The following AADACL2 variants were observed in gnomAD, a reference collection of about 807,000 sequenced individuals.
The protein encoded by AADACL2 is arylacetamide deacetylase like 2.
In AADACL2, 23 loss-of-function variants were observed where a neutral mutation model predicts 22.3. The ratio of observed to expected loss-of-function variants is 1.03; its 90% CI spans 0.74 to 1.46. The LOEUF (loss-of-function observed/expected upper bound fraction) is 1.46. Among genes scored for constraint, AADACL2 ranks in the 40% most tolerant of loss-of-function variants. The pLI, the probability that AADACL2 is intolerant of heterozygous loss-of-function variation, is 0.00. For missense variants in AADACL2, 472 were observed against 482.9 expected (o/e 0.98, Z 0.21); for synonymous variants, 177 against 166.2 (o/e 1.07, Z -0.50).
chr3:151,739,117 T>A (rs1448910088), intron 1 of AADACL2, among the ~76,000 whole-genome samples: 1 of 152,236 alleles, frequency 6.6e-6, no homozygotes, highest in Non-Finnish European at 1.5e-5. Context: ...TGGTTTTTCC[T>A]CATTTTCATG....
In AADACL2 at chr3:151,757,203, TG is replaced by T. The variant is rs763247653; in HGVS notation, c.817del (p.Glu273SerfsTer60). 5 of 1,613,598 alleles carry T rather than the reference TG, an allele frequency of 3.1e-6. No individual in the cohort carries two copies. The highest frequency in any genetic ancestry group is 4.2e-6 in the Non-Finnish European group (5 of 1,179,702). On this transcript the variant is annotated frameshift_variant, in exon 5 of 5. Coordinates refer to ENST00000356517, the MANE Select transcript of AADACL2 (RefSeq NM_207365.4). LOFTEE classifies it low-confidence loss of function (END_TRUNC). ...ATGAGAAGAAACCAACACATGCCTC[TG>T]GAGTCAAGACATCTGTTTAAGTTTG... ...WAMRRNQHMP[L>X]ESRHLFKFVN...
chr3:151,761,173 T>TTA lies in AADACL2; in HGVS notation c.*3587_*3588dup. 1.2e-5 allele frequency: 1 copy of TTA among 85,552 alleles called. No homozygotes were observed. The highest frequency in any genetic ancestry group is 3.7e-4 in the East Asian group (1 of 2,694). The allele number at this position is 85,552 out of a possible 1,614,324, so 5.3% of individuals were successfully genotyped here. ...TATATATATATGGTGAGATATATAT[T>TTA]TATATATATGGTGAGATATATACAT... On this transcript the variant is annotated 3_prime_UTR_variant, in exon 5 of 5. Coordinates refer to ENST00000356517, the MANE Select transcript of AADACL2 (RefSeq NM_207365.4).
At chr3:151,752,153 C>A (rs1245934790) in intron 4 of AADACL2, among the ~76,000 whole-genome samples, 1 of 152,076 alleles carries the variant, frequency 6.6e-6, no homozygotes, top group Non-Finnish European at 1.5e-5. Context: ...TATTTTGGGT[C>A]ATAAGAATCA....
chr3:151,734,800 A>C (rs967386735), intron 1 of AADACL2, among the ~76,000 whole-genome samples: 3 of 152,154 alleles, frequency 2.0e-5, no homozygotes, highest in African/African-American at 4.8e-5. Context: ...GCTATCCTGC[A>C]ATTATTTTTA....
chr3:151,746,179 CCT>C (rs1170094984), intron 4 of AADACL2, among the ~76,000 whole-genome samples: 1 of 151,576 alleles, frequency 6.6e-6, no homozygotes, highest in Non-Finnish European at 1.5e-5. Flanking sequence ...CAAATTTTAC[CCT>C]GAGGTATTTT....
rs766664076 is a variant in AADACL2 at position 151,757,222 on chromosome 3, TAA to T, written c.835_836del (p.Lys279ValfsTer3). 6.2e-7 allele frequency: 1 copy of T among 1,613,700 alleles called. No individual in the cohort carries two copies. Among genetic ancestry groups the T allele is most frequent in the Admixed American group, 1.7e-5 (1 of 59,964 alleles). On this transcript the variant is annotated frameshift_variant, in exon 5 of 5. Coordinates refer to ENST00000356517, the MANE Select transcript of AADACL2 (RefSeq NM_207365.4). LOFTEE classifies it low-confidence loss of function (END_TRUNC). ...TGCCTCTGGAGTCAAGACATCTGTTTAAGTTTGTTAACTGGAGTATTCTTCTT... is the reference window on the plus strand; with the variant it reads ...TGCCTCTGGAGTCAAGACATCTGTTTGTTTGTTAACTGGAGTATTCTTCTT... ...HMPLESRHLF[K>X]FVNWSILLPE...
Position 151,734,056 on chromosome 3 carries a change from T to C in AADACL2, c.21T>C (p.Cys7=). 1 of 1,612,680 alleles carries C rather than the reference T, an allele frequency of 6.2e-7. No individual in the cohort carries two copies. Among genetic ancestry groups the C allele is most frequent in the Non-Finnish European group, 8.5e-7 (1 of 1,179,324 alleles). Residue 7 remains cysteine, a synonymous_variant, in exon 1 of 5, where the codon TGT becomes TGC. Coordinates refer to ENST00000356517, the MANE Select transcript of AADACL2 (RefSeq NM_207365.4). MGLKAL[C]LGLLCVLFVS... ...ATATTATGGGGCTAAAAGCTCTCTG[T>C]TTGGGGCTGCTTTGTGTTCTTTTTG...
At position 151,758,329 on chromosome 3, in the gene AADACL2, C is replaced by T. The variant is rs1714025859; in HGVS notation, c.*735C>T. On this transcript the variant is annotated 3_prime_UTR_variant, in exon 5 of 5. Coordinates refer to ENST00000356517, the MANE Select transcript of AADACL2 (RefSeq NM_207365.4). ...TTCTTCTCTGCCTGTGTCTAATCTC[C>T]CTATGGGCTTCTCTTAGAAAAACAC... 2.6e-5 allele frequency: 4 copies of T among 151,760 alleles called. No homozygotes were observed. Among genetic ancestry groups the T allele is most frequent in the Admixed American group, 2.6e-4 (4 of 15,228 alleles). 9.4% of individuals were successfully genotyped at this position (151,760 alleles called of 1,614,324 possible).
chr3:151,743,342 A>G (rs1005673081), intron 2 of AADACL2, among the ~76,000 whole-genome samples: 20 of 152,276 alleles, frequency 1.3e-4, no homozygotes, highest in African/African-American at 4.8e-4. Flanking sequence ...TGGTAAATAA[A>G]GCAGCAGCAG....
rs1415545478 is a variant in AADACL2 at position 151,757,600 on chromosome 3, T to C, written c.*6T>C. ...GGCTGGATAAGAATTTATAAATATGTGATGTGTATGTATAGCCCTTACATA... is the reference window on the plus strand; with the variant it reads ...GGCTGGATAAGAATTTATAAATATGCGATGTGTATGTATAGCCCTTACATA... On this transcript the variant is annotated 3_prime_UTR_variant, in exon 5 of 5. Transcript: ENST00000356517. 2 of 1,598,842 alleles carry C rather than the reference T, an allele frequency of 1.3e-6. No individual in the cohort carries two copies. Among genetic ancestry groups the C allele is most frequent in the Admixed American group, 3.4e-5 (2 of 58,860 alleles).
Position 151,759,075 on chromosome 3 carries a change from A to G in AADACL2, c.*1481A>G, listed in dbSNP as rs568866607. ...AGCTAAAAACGCAAACATGACTATG[A>G]CAAATGAAAATAAGTATCATGGGAA... On this transcript the variant is annotated 3_prime_UTR_variant, in exon 5 of 5. Coordinates refer to ENST00000356517, the MANE Select transcript of AADACL2 (RefSeq NM_207365.4). 2 of 152,252 alleles carry G rather than the reference A, an allele frequency of 1.3e-5. No individual in the cohort carries two copies. The highest frequency in any genetic ancestry group is 4.8e-5 in the African/African-American group (2 of 41,562). The allele number at this position is 152,252 out of a possible 1,614,324, so 9.4% of individuals were successfully genotyped here.
chr3:151,734,063 C>T lies in AADACL2; in HGVS notation c.28C>T (p.Leu10=). 1.9e-6 allele frequency: 3 copies of T among 1,612,998 alleles called. No homozygotes were observed. Among genetic ancestry groups the T allele is most frequent in the Non-Finnish European group, 2.5e-6 (3 of 1,179,524 alleles). ...GGGGCTAAAAGCTCTCTGTTTGGGG[C>T]TGCTTTGTGTTCTTTTTGTCTCTCA... The part of the protein sequence containing the change: MGLKALCLG[L]LCVLFVSHFY... The change falls in exon 1 of 5, where the codon CTG becomes TTG. Residue 10 remains leucine (L), a synonymous_variant. Coordinates refer to ENST00000356517, the MANE Select transcript of AADACL2 (RefSeq NM_207365.4).
chr3:151,755,216 C>T (rs997921093), intron 4 of AADACL2: 4 of 147,968 alleles, frequency 2.7e-5, no homozygotes, highest in African/African-American at 9.9e-5. Context: ...TCTATTTTCC[C>T]ATATGATATT....
intron 1 of AADACL2, among the ~76,000 whole-genome samples, chr3:151,738,729 C>T (rs2084430): frequency 0.32 from 48,733 of 151,928 alleles, 8,138 homozygotes; most frequent in East Asian, 0.55. Context: ...ATCTTCACAC[C>T]TTATTTCATT....
chr3:151,761,104 T>C lies in AADACL2; in HGVS notation c.*3510T>C, dbSNP rs1714125784. ...ATATATATGGTGAGATATATATATATTTTTTTATATATGGTGAGATATATA... is the reference window on the plus strand; with the variant it reads ...ATATATATGGTGAGATATATATATACTTTTTTATATATGGTGAGATATATA... On this transcript the variant is annotated 3_prime_UTR_variant, in exon 5 of 5. Transcript: ENST00000356517. The C allele has an allele frequency of 6.8e-6, 1 of 147,648 alleles. No individual in the cohort carries two copies. The allele number at this position is 147,648 out of a possible 1,614,324, so 9.1% of individuals were successfully genotyped here.
intron 3 of AADACL2, among the ~76,000 whole-genome samples, chr3:151,744,582 A>G (rs1402402489): frequency 1.3e-5 from 2 of 152,156 alleles, no homozygotes; most frequent in Non-Finnish European, 2.9e-5. Context: ...TGATATAATA[A>G]TATGTTTGTG....
At chr3:151,756,818 G>A (rs1178917247) in intron 4 of AADACL2, among the ~76,000 whole-genome samples, 174 bp from the exon 5 acceptor site, 1 of 150,192 alleles carries the variant, frequency 6.7e-6, no homozygotes, top group South Asian at 2.1e-4. Context: ...AATTTAAATT[G>A]GTTTGAATTT....
intron 1 of AADACL2, among the ~76,000 whole-genome samples, chr3:151,740,411 G>T (rs1027768338): frequency 1.3e-5 from 2 of 152,210 alleles, no homozygotes; most frequent in African/African-American, 4.8e-5. Flanking sequence ...CTCACTGGGA[G>T]CTGCAGACCG....
chr3:151,752,007 T>C (rs1713687851), intron 4 of AADACL2, among the ~76,000 whole-genome samples: 1 of 152,210 alleles, frequency 6.6e-6, no homozygotes, highest in Non-Finnish European at 1.5e-5. Flanking sequence ...TTAATGAGCA[T>C]TTAAAAAGGT....
Sources: gnomAD v4.1 joint callset for allele counts (sites outside exome capture counted in the v4.1 genomes callset) on GRCh38, gnomAD v4.1.1 for gene constraint, MANE v1.5 for transcripts, NCBI Gene and HGNC (gene_info 2026-07-23, HGNC 2026-07-21) for gene names.